NAMPT: variants seen among roughly 807,000 people sequenced by gnomAD.
The protein encoded by NAMPT is nicotinamide phosphoribosyltransferase, also known as NAmPRTase.
A neutral mutation model predicts 58.7 loss-of-function variants in NAMPT; 7 were observed. The ratio of observed to expected loss-of-function variants is 0.12; its 90% CI spans 0.07 to 0.22. NAMPT has a LOEUF of 0.22. Among genes scored for constraint, NAMPT ranks in the 10% least tolerant of loss-of-function variants. NAMPT has a pLI of 1.00. For missense variants in NAMPT, 271 were observed against 567.9 expected (o/e 0.48, Z 5.31); for synonymous variants, 145 against 198.1 (o/e 0.73, Z 2.25).
intron 4 of NAMPT, 48 bp downstream of exon 4, chr7:106,272,482 T>C (rs1792555675): frequency 6.6e-7 from 1 of 1,513,022 alleles, no homozygotes; most frequent in Non-Finnish European, 9.0e-7. Flanking sequence ...CTCAGTTCAA[T>C]GGTCTTTATT....
At chr7:106,272,405 C>T in intron 4 of NAMPT, 125 bp downstream of exon 4, 1 of 770,614 alleles carries the variant, frequency 1.3e-6, no homozygotes, top group African/African-American at 1.8e-5. Context: ...GAAATTGAAG[C>T]CTGGAAAGGT....
In NAMPT at chr7:106,250,055, T is replaced by G. The variant is rs1469664475; in HGVS notation, c.*1028A>C. The stretch of plus-strand genomic sequence containing the variant: ...TAAATGATGTCCATACAATTTAATA[T>G]CCAATTTAATTTTTTAAAAACTTAA... On this transcript the variant is annotated 3_prime_UTR_variant, in exon 11 of 11. Coordinates refer to ENST00000222553, the MANE Select transcript of NAMPT (RefSeq NM_005746.3). 6.6e-6 allele frequency: 1 copy of G among 152,246 alleles called. No individual in the cohort carries two copies. The highest frequency in any genetic ancestry group is 6.6e-5 in the Admixed American group (1 of 15,240). The allele number at this position is 152,246 out of a possible 1,614,324, so 9.4% of individuals were successfully genotyped here.
chr7:106,276,855 A>AAAAC, intron 2 of NAMPT, 168 bp downstream of exon 2: 2 of 516,168 alleles, frequency 3.9e-6, no homozygotes, highest in Non-Finnish European at 3.4e-6. Context: ...AAAAAAAAAA[A>AAAAC]AAACCTTTTA....
At chr7:106,276,894 C>A in intron 2 of NAMPT, 129 bp downstream of exon 2, 5 of 717,184 alleles carry the variant, frequency 7.0e-6, no homozygotes, top group South Asian at 1.9e-5. Flanking sequence ...ATACTTAGAA[C>A]ATCAAACACA....
intron 1 of NAMPT, among the ~76,000 whole-genome samples, chr7:106,280,285 C>A (rs1412750391): frequency 6.6e-6 from 1 of 152,068 alleles, no homozygotes; most frequent in African/African-American, 2.4e-5. Context: ...AGAATTAATA[C>A]CTCCCACATT....
At chr7:106,264,389 A>G (rs555808629) in intron 6 of NAMPT, among the ~76,000 whole-genome samples, 20 of 152,194 alleles carry the variant, frequency 1.3e-4, no homozygotes, top group African/African-American at 4.6e-4. Context: ...TTTGTATTCA[A>G]TATGTAATTA....
At chr7:106,261,519 CTTT>C in intron 8 of NAMPT, 66 bp downstream of exon 8, 2 of 1,246,816 alleles carry the variant, frequency 1.6e-6, no homozygotes, top group Non-Finnish European at 2.3e-6. Context: ...ATATTGTGTT[CTTT>C]ATCAAACATA....
At chr7:106,252,138 C>CT (rs903150012) in intron 10 of NAMPT, among the ~76,000 whole-genome samples, 5 of 152,062 alleles carry the variant, frequency 3.3e-5, no homozygotes, top group African/African-American at 9.7e-5. Flanking sequence ...TTCACATACT[C>CT]TTAAATCAGT....
At chr7:106,252,915 C>G in intron 10 of NAMPT, 102 bp downstream of exon 10, 3 of 1,381,078 alleles carry the variant, frequency 2.2e-6, no homozygotes, top group Non-Finnish European at 3.0e-6. Context: ...AAATATAATA[C>G]TTTGTCTTCC....
At position 106,249,495 on chromosome 7, in the gene NAMPT, G is replaced by C. The variant is rs184607959; in HGVS notation, c.*1588C>G. ...TTAAGTGAGAAAAAAGAAGACAAAA[G>C]AGGAAAATTCCGTATCAATTATTTA... On this transcript the variant is annotated 3_prime_UTR_variant, in exon 11 of 11. Coordinates refer to ENST00000222553, the MANE Select transcript of NAMPT (RefSeq NM_005746.3). 6.6e-6 allele frequency: 1 copy of C among 152,320 alleles called. No individual in the cohort carries two copies. The highest frequency in any genetic ancestry group is 2.4e-5 in the African/African-American group (1 of 41,402). 9.4% of individuals were successfully genotyped at this position (152,320 alleles called of 1,614,324 possible).
intron 1 of NAMPT, among the ~76,000 whole-genome samples, chr7:106,283,265 T>C (rs959172975): frequency 6.6e-6 from 1 of 152,124 alleles, no homozygotes; most frequent in Non-Finnish European, 1.5e-5. Context: ...CTCACTAGAT[T>C]AGAAACCTTT....
chr7:106,268,236 A>G (rs181723035), intron 6 of NAMPT: 23 of 354,926 alleles, frequency 6.5e-5, no homozygotes, highest in South Asian at 2.3e-4. Flanking sequence ...CTATGGCAAT[A>G]TAAGTATTGG....
Position 106,269,318 on chromosome 7 carries a change from G to A in NAMPT, c.448-6C>T, listed in dbSNP as rs1792485876. 6.2e-7 allele frequency: 1 copy of A among 1,605,120 alleles called. No individual in the cohort carries two copies. The highest frequency in any genetic ancestry group is 8.5e-7 in the Non-Finnish European group (1 of 1,174,720). ...CAGGACTGAACAAGAATAGTCTGTA[G>A]TAACAAAATTAACCACAAATATTAA... On this transcript the variant is annotated splice_polypyrimidine_tract_variant and splice_region_variant and intron_variant, in intron 4 of 10. Transcript: ENST00000222553.
In NAMPT at chr7:106,272,728, G is replaced by C; in HGVS notation, c.319-70C>G. ...TCAATTCCCTGCTGTTTTACTAAAG[G>C]TTCTTTACGTTTTATAGAAGCTAAA... On this transcript the variant is annotated intron_variant, in intron 3 of 10. Coordinates refer to ENST00000222553, the MANE Select transcript of NAMPT (RefSeq NM_005746.3). The C allele has an allele frequency of 1.9e-6, 3 of 1,541,226 alleles. No individual in the cohort carries two copies. The South Asian group carries it at 3.5e-5, about 18-fold the overall frequency.
intron 8 of NAMPT, 111 bp downstream of exon 8, chr7:106,261,467 TTATACCAACA>T: frequency 1.2e-6 from 1 of 830,612 alleles, no homozygotes; most frequent in Non-Finnish European, 1.9e-6. Context: ...GCACAGAGAT[TTATACCAACA>T]TAAACACTTA....
At chr7:106,257,724 A>G (rs1051237173) in intron 8 of NAMPT, among the ~76,000 whole-genome samples, 3 of 152,176 alleles carry the variant, frequency 2.0e-5, no homozygotes, top group Non-Finnish European at 4.4e-5. Flanking sequence ...TTGAAAGGAA[A>G]GTTTTGAGTA....
At chr7:106,257,331 T>C (rs1208433368) in intron 8 of NAMPT, among the ~76,000 whole-genome samples, 2 of 151,810 alleles carry the variant, frequency 1.3e-5, no homozygotes, top group South Asian at 4.2e-4. Flanking sequence ...CAGATGCACA[T>C]ACAGGCTGGG....
intron 8 of NAMPT, among the ~76,000 whole-genome samples, chr7:106,258,854 T>G (rs1394991441): frequency 1.3e-5 from 2 of 151,532 alleles, no homozygotes; most frequent in African/African-American, 4.8e-5. Flanking sequence ...TGCTGAAGGT[T>G]TTGGGGTGAC....
chr7:106,285,349 G>A, upstream of NAMPT: 1 of 456,332 alleles, frequency 2.2e-6, no homozygotes, highest in Non-Finnish European at 2.9e-6. Context: ...GGGCGCGGGA[G>A]GGCGGGGCCT....
Sources: allele counts gnomAD v4.1 joint callset (sites outside exome capture counted in the v4.1 genomes callset), GRCh38; gene constraint gnomAD v4.1.1; transcripts MANE v1.5; gene names NCBI Gene and HGNC (gene_info 2026-07-23, HGNC 2026-07-21).